Variants in CFAP43 observed in about 807,000 individuals in gnomAD.
CFAP43 encodes the protein cilia and flagella associated protein 43.
A neutral mutation model predicts 218.9 loss-of-function variants in CFAP43; 155 were observed. The ratio of observed to expected loss-of-function variants is 0.71; its 90% CI spans 0.62 to 0.81. CFAP43 has a LOEUF of 0.81. CFAP43 is among the 30% of genes least tolerant of loss of function. The pLI, the probability that CFAP43 is intolerant of heterozygous loss-of-function variation, is 0.00. For missense variants in CFAP43, 1,778 were observed against 1,954.3 expected, an observed-to-expected ratio of 0.91 and a Z score of 1.70; for synonymous variants, 645 against 681.3, an observed-to-expected ratio of 0.95 and a Z score of 0.83.
At chr10:104,207,114 A>G (rs997100780) in intron 6 of CFAP43, among the ~76,000 whole-genome samples, 1 of 152,108 alleles carries the variant, frequency 6.6e-6, no homozygotes, top group African/African-American at 2.4e-5. Context: ...CGGAGGTTGC[A>G]GTGAGCCAAG....
chr10:104,139,620 C>T (rs2087612857), intron 34 of CFAP43, among the ~76,000 whole-genome samples: 1 of 152,066 alleles, frequency 6.6e-6, no homozygotes, highest in South Asian at 2.1e-4. Flanking sequence ...CCTGGCAATC[C>T]AGTGAATCTA....
At chr10:104,137,239 T>C (rs544378884) in intron 34 of CFAP43, among the ~76,000 whole-genome samples, 1 of 152,262 alleles carries the variant, frequency 6.6e-6, no homozygotes, top group African/African-American at 2.4e-5. Context: ...GATGAATGGA[T>C]AAACAAAATG....
intron 28 of CFAP43, among the ~76,000 whole-genome samples, chr10:104,148,388 G>A (rs2088081758): frequency 6.6e-6 from 1 of 152,034 alleles, no homozygotes; most frequent in African/African-American, 2.4e-5. Context: ...ATTATATATT[G>A]TGTTTCTTTG....
chr10:104,157,381 C>T (rs1027961362), intron 27 of CFAP43, among the ~76,000 whole-genome samples: 9 of 152,062 alleles, frequency 5.9e-5, no homozygotes, highest in Non-Finnish European at 1.2e-4. Flanking sequence ...TGCTATAAAA[C>T]AACAAAAAAG....
chr10:104,161,953 A>T lies in CFAP43; in HGVS notation c.3414+8T>A. The T allele has an allele frequency of 3.1e-6, 5 of 1,611,984 alleles. No individual in the cohort carries two copies. Among genetic ancestry groups the T allele is most frequent in the Non-Finnish European group, 4.2e-6 (5 of 1,179,044 alleles). On this transcript the variant is annotated splice_region_variant and intron_variant, in intron 26 of 37. Transcript: ENST00000357060. ...TCCACCTTCTATAAGGATGAACAGAAATATCACCATTCTCAAAATATCTTC... is the reference window on the plus strand; with the variant it reads ...TCCACCTTCTATAAGGATGAACAGATATATCACCATTCTCAAAATATCTTC...
chr10:104,188,514 T>C (rs2090106197), intron 12 of CFAP43, 104 bp from the exon 13 acceptor site: 1 of 1,383,328 alleles, frequency 7.2e-7, no homozygotes, highest in African/African-American at 1.4e-5. Flanking sequence ...CTTCACTATA[T>C]CTTTAGAATC....
At chr10:104,152,519 C>T in intron 28 of CFAP43, 88 bp downstream of exon 28, 3 of 1,563,508 alleles carry the variant, frequency 1.9e-6, no homozygotes, top group Non-Finnish European at 2.6e-6. Context: ...GATCTTAGTA[C>T]CTGGTAAGGA....
intron 15 of CFAP43, among the ~76,000 whole-genome samples, chr10:104,185,652 G>A (rs898598308): frequency 7.9e-5 from 12 of 152,084 alleles, no homozygotes; most frequent in African/African-American, 2.4e-4. Context: ...TCATCAATTT[G>A]GTATATAGGG....
chr10:104,189,846 AC>A (rs1205918814), intron 12 of CFAP43, among the ~76,000 whole-genome samples: 1 of 152,068 alleles, frequency 6.6e-6, no homozygotes, highest in Non-Finnish European at 1.5e-5. Flanking sequence ...CTACTAAAAA[AC>A]AAAACAAAAC....
In CFAP43 at chr10:104,166,803, A is replaced by G. The variant is rs187426324; in HGVS notation, c.2809-85T>C. 351 of 1,190,250 alleles carry G rather than the reference A, an allele frequency of 2.9e-4. 1 individual carries two copies. In the African/African-American group the frequency reaches 4.9e-3, roughly 16 times the overall value. 73.7% of individuals were successfully genotyped at this position (1,190,250 alleles called of 1,614,324 possible). A position where few individuals can be genotyped will look rare whatever the true frequency, so the allele number is the denominator to read the frequency against. The stretch of plus-strand genomic sequence containing the variant: ...ATTTTGTGACAACTTAATTATTTCA[A>G]CAATCATTTTAATTTGTTGAATTGT... On this transcript the variant is annotated intron_variant, in intron 22 of 37. Coordinates refer to ENST00000357060, the MANE Select transcript of CFAP43 (RefSeq NM_025145.7).
chr10:104,182,560 T>TA (rs752850509), intron 16 of CFAP43, 47 bp from the exon 17 acceptor site: 4 of 1,506,558 alleles, frequency 2.7e-6, no homozygotes, highest in African/African-American at 1.4e-5. Context: ...AATCATAATT[T>TA]AAAAAATCAC....
At position 104,203,652 on chromosome 10, in the gene CFAP43, G is replaced by C; in HGVS notation, c.1095+20C>G. 1.3e-6 allele frequency: 2 copies of C among 1,584,506 alleles called. No homozygotes were observed. Among genetic ancestry groups the C allele is most frequent in the Non-Finnish European group, 1.7e-6 (2 of 1,168,682 alleles). On this transcript the variant is annotated intron_variant, in intron 8 of 37. Coordinates refer to ENST00000357060, the MANE Select transcript of CFAP43 (RefSeq NM_025145.7). ...ATACTATCTGAAAATCACATATCAA[G>C]AAATTACCATCCAACATACCTTGTC...
chr10:104,226,051 T>C (rs1267398275), intron 2 of CFAP43, among the ~76,000 whole-genome samples: 3 of 152,268 alleles, frequency 2.0e-5, no homozygotes, highest in East Asian at 3.8e-4. Flanking sequence ...TTTGTACCTA[T>C]AGTTGACAAA....
chr10:104,133,843 A>G lies in CFAP43; in HGVS notation c.4432-59T>C, dbSNP rs188760141. On this transcript the variant is annotated intron_variant, in intron 34 of 37. Coordinates refer to ENST00000357060, the MANE Select transcript of CFAP43 (RefSeq NM_025145.7). ...TGATTCTGCATATAGAACATAGAATATTTGAGGCTGAATGCTATTTTTAGA... is the reference window on the plus strand; with the variant it reads ...TGATTCTGCATATAGAACATAGAATGTTTGAGGCTGAATGCTATTTTTAGA... 3.4e-3 allele frequency: 4,781 copies of G among 1,395,880 alleles called. 15 individuals carry two copies. Among genetic ancestry groups the G allele is most frequent in the Non-Finnish European group, 3.7e-3 (3,846 of 1,034,398 alleles). The allele number at this position is 1,395,880 out of a possible 1,614,324, so 86.5% of individuals were successfully genotyped here. A position where few individuals can be genotyped will look rare whatever the true frequency, so the allele number is the denominator to read the frequency against.
chr10:104,214,863 C>T (rs879643999), intron 3 of CFAP43, among the ~76,000 whole-genome samples: 2 of 152,080 alleles, frequency 1.3e-5, no homozygotes, highest in Non-Finnish European at 2.9e-5. Context: ...TGGTGCCAGG[C>T]GCGGTGGCTC....
At chr10:104,146,483 A>G in intron 29 of CFAP43, 134 bp from the exon 30 acceptor site, 1 of 645,100 alleles carries the variant, frequency 1.6e-6, no homozygotes, top group South Asian at 1.8e-5. Flanking sequence ...ATTCATGAAG[A>G]TAAGATTTAT....
chr10:104,138,544 G>A (rs376575553), intron 34 of CFAP43, among the ~76,000 whole-genome samples: 1 of 151,944 alleles, frequency 6.6e-6, no homozygotes, highest in African/African-American at 2.4e-5. Context: ...GTGTGGTGGC[G>A]CATGCCTGTA....
intron 8 of CFAP43, among the ~76,000 whole-genome samples, chr10:104,202,568 C>A (rs376938246): frequency 6.6e-6 from 1 of 152,130 alleles, no homozygotes; most frequent in Admixed American, 6.5e-5. Context: ...GTATTTCCTA[C>A]CCTTTTGCTT....
intron 34 of CFAP43, among the ~76,000 whole-genome samples, chr10:104,135,504 A>G (rs1034386915): frequency 6.6e-6 from 1 of 152,210 alleles, no homozygotes; most frequent in Non-Finnish European, 1.5e-5. Flanking sequence ...CAAAAACCCT[A>G]CTAGAGATAA....
Sources: gnomAD v4.1 joint callset for allele counts (sites outside exome capture counted in the v4.1 genomes callset) on GRCh38, gnomAD v4.1.1 for gene constraint, MANE v1.5 for transcripts, NCBI Gene and HGNC (gene_info 2026-07-23, HGNC 2026-07-21) for gene names.